Variants in CEP290 observed in about 807,000 individuals in gnomAD.
The protein encoded by CEP290 is centrosomal protein 290.
CEP290 carries 317 observed loss-of-function variants against 344.9 expected under a neutral mutation model. That is an observed-to-expected ratio of 0.92 (90% CI 0.84 to 1.01). The LOEUF (loss-of-function observed/expected upper bound fraction) is 1.01, where lower values mean the gene tolerates loss of function less well. Among genes scored for constraint, CEP290 ranks in the 50% least tolerant of loss-of-function variants. The probability of loss-of-function intolerance (pLI) is 0.00; values close to 1 mark genes in which losing one functional copy is unlikely to be tolerated. For synonymous variants in CEP290, 932 were observed against 895.8 expected, an observed-to-expected ratio of 1.04 and a Z score of -0.72; for missense variants, 2,754 against 2,761.4, an observed-to-expected ratio of 1.00 and a Z score of 0.06.
intron 50 of CEP290, 24 bp downstream of exon 50, chr12:88,055,552 G>A (rs757750401): frequency 6.5e-7 from 1 of 1,541,120 alleles, no homozygotes; most frequent in East Asian, 2.3e-5. Flanking sequence ...ATTTTATCAT[G>A]TAAAGAAAAA....
intron 49 of CEP290, 105 bp from the exon 50 acceptor site, chr12:88,055,822 T>C: frequency 6.1e-6 from 5 of 825,460 alleles, no homozygotes; most frequent in Non-Finnish European, 7.2e-6. Context: ...AATATCTTAT[T>C]TTACTGTTTC....
At chr12:88,079,894 A>G (rs1054369829) in intron 38 of CEP290, among the ~76,000 whole-genome samples, 1 of 152,104 alleles carries the variant, frequency 6.6e-6, no homozygotes, top group Non-Finnish European at 1.5e-5. Flanking sequence ...AGAAAATACA[A>G]TGTAATATAT....
intron 49 of CEP290, among the ~76,000 whole-genome samples, chr12:88,056,916 A>G (rs1565787419): frequency 6.6e-6 from 1 of 152,142 alleles, no homozygotes; most frequent in South Asian, 2.1e-4. Context: ...GGGAACCTAA[A>G]TTTGAGGTCA....
At chr12:88,105,891 G>A (rs75013755) in intron 25 of CEP290, among the ~76,000 whole-genome samples, 2,451 of 151,842 alleles carry the variant, frequency 0.016, 26 homozygotes, top group East Asian at 0.024. Context: ...TTACAAGCAT[G>A]TGCCACTACA....
At position 88,053,662 on chromosome 12, in the gene CEP290, GC is replaced by G; in HGVS notation, c.7118del (p.Ser2373ThrfsTer9). On this transcript the variant is annotated frameshift_variant, in exon 52 of 54. Transcript: ENST00000552810. LOFTEE classifies it high-confidence loss of function. ...TTTAAAATACATTACCAGGTATGGT[GC>G]TTTCAGCTCCACTTTGGTCCTTGTT... Reference protein sequence around the residue: ...EANKDQSGAESTIPDADQLKE... With the variant: ...EANKDQSGAEXTIPDADQLKE... 1 of 1,517,680 alleles carries G rather than the reference GC, an allele frequency of 6.6e-7. No homozygotes were observed. Among genetic ancestry groups the G allele is most frequent in the Non-Finnish European group, 9.0e-7 (1 of 1,117,216 alleles). The allele number at this position is 1,517,680 out of a possible 1,614,324, so 94.0% of individuals were successfully genotyped here.
At chr12:88,115,020 T>C in intron 19 of CEP290, 78 bp downstream of exon 19, 1 of 713,542 alleles carries the variant, frequency 1.4e-6, no homozygotes, top group Non-Finnish European at 2.4e-6. Context: ...ACAGAGAATG[T>C]GTTAACGCCC....
At chr12:88,063,669 C>A (rs563963114) in intron 45 of CEP290, among the ~76,000 whole-genome samples, 1 of 152,124 alleles carries the variant, frequency 6.6e-6, no homozygotes, top group South Asian at 2.1e-4. Context: ...TGCTTTATTT[C>A]TCTCCTTAGC....
At chr12:88,113,158 G>T (rs930641862) in intron 20 of CEP290, among the ~76,000 whole-genome samples, 2 of 152,052 alleles carry the variant, frequency 1.3e-5, no homozygotes, top group Non-Finnish European at 2.9e-5. Context: ...GCTTCAGGAA[G>T]GTCCAGAGAT....
At chr12:88,090,908 T>C (rs1483909097) in intron 29 of CEP290, 69 bp from the exon 30 acceptor site, 3 of 868,736 alleles carry the variant, frequency 3.5e-6, no homozygotes, top group Non-Finnish European at 5.2e-6. Context: ...AATTCAAAAT[T>C]TCTAGACCCT....
Position 88,118,473 on chromosome 12 carries a change from C to T in CEP290, c.1711+10G>A. ...AATTCTTTTTAAAGGTTTAGAATAA[C>T]TGAGTATACCTGAAGTTGCACTTCT... On this transcript the variant is annotated intron_variant, in intron 17 of 53. Coordinates refer to ENST00000552810, the MANE Select transcript of CEP290 (RefSeq NM_025114.4). 6.5e-7 allele frequency: 1 copy of T among 1,541,564 alleles called. No homozygotes were observed. Among genetic ancestry groups the T allele is most frequent in the South Asian group, 1.2e-5 (1 of 83,078 alleles).
chr12:88,123,606 T>G (rs1444564800), intron 13 of CEP290, among the ~76,000 whole-genome samples: 3 of 152,236 alleles, frequency 2.0e-5, no homozygotes, highest in African/African-American at 7.2e-5. Flanking sequence ...AGCTCCTTTT[T>G]ATCTCCCCAG....
intron 7 of CEP290, among the ~76,000 whole-genome samples, chr12:88,130,954 G>A (rs894577514): frequency 2.6e-5 from 4 of 151,896 alleles, no homozygotes; most frequent in Admixed American, 2.0e-4. Flanking sequence ...AGATTTACCC[G>A]CATAGACCTG....
At chr12:88,060,489 G>A (rs937716912) in intron 47 of CEP290, among the ~76,000 whole-genome samples, 12 of 152,124 alleles carry the variant, frequency 7.9e-5, no homozygotes, top group African/African-American at 2.7e-4. Flanking sequence ...GAACCCGGGA[G>A]GCAGAGCTTG....
In CEP290 at chr12:88,090,817, C is replaced by T. The variant is rs140907638; in HGVS notation, c.3484G>A (p.Ala1162Thr). The T allele has an allele frequency of 6.4e-7, 1 of 1,556,006 alleles. No individual in the cohort carries two copies. The highest frequency in any genetic ancestry group is 8.7e-7 in the Non-Finnish European group (1 of 1,147,768). The change falls in exon 30 of 54, where the codon GCC (alanine) becomes ACC (threonine). Residue 1162 changes from alanine (A) to threonine (T), a missense_variant. Physicochemically the swap from Ala to Thr is moderately conservative, Grantham distance 58. Transcript: ENST00000552810. ...TTCAAAATTTCAACTTGTCTTCTGG[C>T]AATATCAGAAATCTCTCTCAGTCTA... ...VSKLREISDIARRQVEILNAQ... is the reference protein window; with the variant it reads ...VSKLREISDITRRQVEILNAQ...
intron 29 of CEP290, among the ~76,000 whole-genome samples, chr12:88,091,145 T>G (rs1156252668): frequency 1.3e-5 from 2 of 152,178 alleles, no homozygotes; most frequent in Non-Finnish European, 2.9e-5. Flanking sequence ...TCATACTTAC[T>G]ATATAGTATT....
Position 88,068,515 on chromosome 12 carries a change from C to A in CEP290, c.6135+7G>T. On this transcript the variant is annotated splice_region_variant and intron_variant, in intron 44 of 53. Transcript: ENST00000552810. ...AAAGAAAAAAATAATAAAAGATATACACTTACTGAAGGCTTAGAATATGTA... is the reference window on the plus strand; with the variant it reads ...AAAGAAAAAAATAATAAAAGATATAAACTTACTGAAGGCTTAGAATATGTA... The A allele has an allele frequency of 6.8e-7, 1 of 1,477,818 alleles. No homozygotes were observed. The highest frequency in any genetic ancestry group is 9.0e-7 in the Non-Finnish European group (1 of 1,108,676). The allele number at this position is 1,477,818 out of a possible 1,614,324, so 91.5% of individuals were successfully genotyped here. A position where few individuals can be genotyped will look rare whatever the true frequency, so the allele number is the denominator to read the frequency against.
chr12:88,082,083 T>C (rs571332450), intron 37 of CEP290, among the ~76,000 whole-genome samples: 6 of 152,274 alleles, frequency 3.9e-5, no homozygotes, highest in Admixed American at 1.3e-4. Context: ...AGAGCTGAAA[T>C]GGAATTATAA....
intron 20 of CEP290, 60 bp downstream of exon 20, chr12:88,114,360 C>T (rs2038909127): frequency 1.5e-6 from 2 of 1,344,198 alleles, no homozygotes; most frequent in Admixed American, 2.5e-5. Context: ...GATCTGTACA[C>T]AGCAGAAAAT....
chr12:88,090,437 G>C (rs1364698257), intron 30 of CEP290, among the ~76,000 whole-genome samples: 1 of 152,114 alleles, frequency 6.6e-6, no homozygotes, highest in Non-Finnish European at 1.5e-5. Flanking sequence ...TTTGGGACCA[G>C]CCTAGGCAAC....
Sources: allele counts gnomAD v4.1 joint callset (sites outside exome capture counted in the v4.1 genomes callset), GRCh38; gene constraint gnomAD v4.1.1; transcripts MANE v1.5; gene names NCBI Gene and HGNC (gene_info 2026-07-23, HGNC 2026-07-21).